The following PSD2 variants were observed in gnomAD, a reference collection of about 807,000 sequenced individuals.
PSD2 encodes PH and SEC7 domain-containing protein 2.
A neutral mutation model predicts 69.8 loss-of-function variants in PSD2; 38 were observed. The observed-to-expected ratio is 0.54, with a 90% CI of 0.42 to 0.71. The LOEUF (loss-of-function observed/expected upper bound fraction) is 0.71, where lower values mean the gene tolerates loss of function less well. PSD2 is among the 30% of genes least tolerant of loss of function. PSD2 has a pLI of 0.00. For synonymous variants in PSD2, 412 were observed against 423.0 expected (o/e 0.97, Z 0.32); for missense variants, 943 against 1,014.5 (o/e 0.93, Z 0.96).
intron 7 of PSD2, among the ~76,000 whole-genome samples, chr5:139,830,292 T>G (rs1256741730): frequency 1.3e-5 from 2 of 151,956 alleles, no homozygotes; most frequent in African/African-American, 4.8e-5. Flanking sequence ...GATACTTGAT[T>G]TACAAATTTT....
the PSD2 span, among the ~76,000 whole-genome samples, chr5:139,790,239 C>G: frequency 6.6e-6 from 1 of 151,776 alleles, no homozygotes; most frequent in African/African-American, 2.4e-5. Context: ...GCCTTGTGGT[C>G]GTGATGTTTA....
chr5:139,771,252 G>C, the PSD2 span, among the ~76,000 whole-genome samples: 1 of 152,234 alleles, frequency 6.6e-6, no homozygotes, highest in African/African-American at 2.4e-5. Context: ...GAGGAATTGC[G>C]GGCCTGGGGA....
the PSD2 span, among the ~76,000 whole-genome samples, chr5:139,779,131 T>C: frequency 6.6e-6 from 1 of 151,900 alleles, no homozygotes; most frequent in African/African-American, 2.4e-5. Flanking sequence ...ATTTATTTAT[T>C]AATTTTTTTT....
At chr5:139,779,269 G>T in the PSD2 span, among the ~76,000 whole-genome samples, 1 of 152,080 alleles carries the variant, frequency 6.6e-6, no homozygotes, top group Non-Finnish European at 1.5e-5. Flanking sequence ...TGGTCTTTTG[G>T]CTGTCTTCTT....
the PSD2 span, among the ~76,000 whole-genome samples, chr5:139,757,676 G>A: frequency 6.6e-6 from 1 of 152,314 alleles, no homozygotes; most frequent in African/African-American, 2.4e-5. Context: ...ACCCTAGAAT[G>A]TTCTGAGCAA....
Position 139,822,689 on chromosome 5 carries a change from G to A in PSD2, c.1211-37G>A, listed in dbSNP as rs1409590414. 5.7e-6 allele frequency: 9 copies of A among 1,581,610 alleles called. No individual in the cohort carries two copies. In the Admixed American group the frequency reaches 1.6e-4, roughly 28 times the overall value. On this transcript the variant is annotated intron_variant, in intron 6 of 14. Coordinates refer to ENST00000274710, the MANE Select transcript of PSD2 (RefSeq NM_032289.4). ...GGAGACAGGGAGTGGGAAGAGGTTG[G>A]ATCCTCGCACTGAGAGTGCCACCAT...
upstream of PSD2, among the ~76,000 whole-genome samples, chr5:139,791,791 G>T (rs1759420340): frequency 6.6e-6 from 1 of 152,206 alleles, no homozygotes; most frequent in South Asian, 2.1e-4. Context: ...CTGCACATCT[G>T]TACTCAGCAA....
At chr5:139,792,336 C>T (rs1487801991), upstream of PSD2, among the ~76,000 whole-genome samples, 1 of 152,134 alleles carries the variant, frequency 6.6e-6, no homozygotes, top group Non-Finnish European at 1.5e-5. Flanking sequence ...TGAGTCAAGC[C>T]TCTTCTGGGT....
chr5:139,794,900 C>T (rs549784725), upstream of PSD2, among the ~76,000 whole-genome samples: 33 of 152,286 alleles, frequency 2.2e-4, no homozygotes, highest in African/African-American at 7.7e-4. Flanking sequence ...CCAGGTACAG[C>T]CAGTCAACCC....
intron 6 of PSD2, 74 bp downstream of exon 6, chr5:139,822,079 C>T (rs1292885620): frequency 1.1e-6 from 1 of 919,990 alleles, no homozygotes. Flanking sequence ...CCATCCTGGT[C>T]CACCTGGCAC....
chr5:139,809,282 C>T, intron 1 of PSD2, 109 bp from the exon 2 acceptor site: 1 of 836,326 alleles, frequency 1.2e-6, no homozygotes, highest in Non-Finnish European at 1.8e-6. Flanking sequence ...TCATCTTGGC[C>T]ATCTCCCACT....
At chr5:139,743,688 T>C in the PSD2 span, 1 of 136,118 alleles carries the variant, frequency 7.3e-6, no homozygotes, top group South Asian at 2.1e-4. Context: ...GGGCGGAGGG[T>C]GGGAGCCCAC....
At chr5:139,780,600 T>G in the PSD2 span, among the ~76,000 whole-genome samples, 1 of 152,092 alleles carries the variant, frequency 6.6e-6, no homozygotes, top group African/African-American at 2.4e-5. Flanking sequence ...CGCAGCACCA[T>G]GCCCGACTAA....
the PSD2 span, among the ~76,000 whole-genome samples, chr5:139,767,890 C>T: frequency 1.3e-5 from 2 of 152,240 alleles, no homozygotes; most frequent in East Asian, 3.8e-4. Context: ...AGCTCACAGG[C>T]AGAGTGACAA....
At chr5:139,796,888 A>G (rs951369833) in intron 1 of PSD2, among the ~76,000 whole-genome samples, 12 of 152,142 alleles carry the variant, frequency 7.9e-5, no homozygotes, top group Non-Finnish European at 1.6e-4. Flanking sequence ...GGGATAAGCC[A>G]GGCTGAATTT....
chr5:139,787,528 ACT>A, the PSD2 span, among the ~76,000 whole-genome samples: 4 of 152,192 alleles, frequency 2.6e-5, no homozygotes, highest in South Asian at 2.1e-4. Context: ...CTCACAGAAC[ACT>A]CTCAGCAGCA....
chr5:139,792,797 TTC>T (rs755537797), upstream of PSD2, among the ~76,000 whole-genome samples: 8 of 149,662 alleles, frequency 5.3e-5, no homozygotes, highest in South Asian at 2.2e-4. Flanking sequence ...CTCCCTCTCT[TTC>T]TCTCTCTCTT....
the PSD2 span, among the ~76,000 whole-genome samples, chr5:139,788,187 C>A: frequency 2.0e-4 from 30 of 151,996 alleles, no homozygotes; most frequent in Admixed American, 6.5e-4. Context: ...GCGCCCCCCC[C>A]CGAACCCGTG....
chr5:139,792,706 C>CTCTT (rs1011257334), upstream of PSD2, among the ~76,000 whole-genome samples: 1 of 151,866 alleles, frequency 6.6e-6, no homozygotes, highest in African/African-American at 2.4e-5. Flanking sequence ...GTCTTTCTTT[C>CTCTT]TCTTTCTTTC....
Sources: allele counts gnomAD v4.1 joint callset (sites outside exome capture counted in the v4.1 genomes callset), GRCh38; gene constraint gnomAD v4.1.1; transcripts MANE v1.5; gene names NCBI Gene and HGNC (gene_info 2026-07-23, HGNC 2026-07-21).